The following NRXN3 variants were observed in gnomAD, a reference collection of about 807,000 sequenced individuals.
NRXN3 encodes neurexin 3.
In NRXN3, 32 loss-of-function variants were observed where a neutral mutation model predicts 137.6. The ratio of observed to expected loss-of-function variants is 0.23; its 90% CI spans 0.18 to 0.31. NRXN3 has a LOEUF of 0.31. Ranked by LOEUF, NRXN3 falls within the 10% of genes least tolerant of loss-of-function variation. The pLI is 1.00. For missense variants in NRXN3, 1,574 were observed against 2,062.5 expected (o/e 0.76, Z 4.59); for synonymous variants, 798 against 784.5 (o/e 1.02, Z -0.29).
intron 4 of NRXN3, among the ~76,000 whole-genome samples, chr14:78,540,186 T>A (rs2096575165): frequency 6.6e-6 from 1 of 152,190 alleles, no homozygotes; most frequent in Non-Finnish European, 1.5e-5. Context: ...CTTATTGATT[T>A]GTCTAATATT....
chr14:79,257,592 G>GTAA (rs1568821072), intron 15 of NRXN3, among the ~76,000 whole-genome samples: 1 of 122,856 alleles, frequency 8.1e-6, no homozygotes, highest in African/African-American at 3.5e-5. Flanking sequence ...GGTAATGATG[G>GTAA]TGGTGGTGGT....
intron 11 of NRXN3, among the ~76,000 whole-genome samples, chr14:78,961,130 G>A (rs1288647897): frequency 6.6e-6 from 1 of 151,726 alleles, no homozygotes. Context: ...GACCAGTAGA[G>A]CTAGGGAATT....
chr14:79,523,169 T>C (rs1310655144), intron 16 of NRXN3, among the ~76,000 whole-genome samples: 4 of 152,096 alleles, frequency 2.6e-5, no homozygotes, highest in Admixed American at 2.6e-4. Context: ...ATTAAGAGAT[T>C]TTTTTTTCCT....
chr14:78,668,575 T>C (rs1479162274), intron 6 of NRXN3, among the ~76,000 whole-genome samples: 2 of 152,102 alleles, frequency 1.3e-5, no homozygotes, highest in African/African-American at 2.4e-5. Context: ...GAGGCCAAGA[T>C]TGTTGGTGCA....
intron 20 of NRXN3, among the ~76,000 whole-genome samples, chr14:79,855,800 TA>T (rs1312852521): frequency 1.3e-5 from 2 of 152,136 alleles, no homozygotes; most frequent in African/African-American, 2.4e-5. Flanking sequence ...ATCTAACATA[TA>T]AAAAATACTT....
intron 15 of NRXN3, among the ~76,000 whole-genome samples, chr14:79,465,995 A>G (rs2096416849): frequency 6.6e-6 from 1 of 152,202 alleles, no homozygotes; most frequent in South Asian, 2.1e-4. Context: ...TGAATTACAA[A>G]TATTTTCTTT....
chr14:79,691,981 T>C (rs1014427201), intron 17 of NRXN3, among the ~76,000 whole-genome samples, 192 bp from the exon 18 acceptor site: 3 of 152,070 alleles, frequency 2.0e-5, no homozygotes, highest in African/African-American at 7.2e-5. Context: ...GATGGAGTAC[T>C]GCATGGCTAA....
intron 16 of NRXN3, among the ~76,000 whole-genome samples, chr14:79,622,626 T>A (rs1366180513): frequency 6.6e-6 from 1 of 152,148 alleles, no homozygotes; most frequent in Non-Finnish European, 1.5e-5. Flanking sequence ...AGACAGAGTC[T>A]CACTCTGTCA....
intron 8 of NRXN3, among the ~76,000 whole-genome samples, chr14:78,788,059 T>C (rs182176371): frequency 2.1e-4 from 32 of 152,314 alleles, no homozygotes; most frequent in Non-Finnish European, 3.1e-4. Flanking sequence ...ATGCAGTTTT[T>C]AAATATGGTT....
At chr14:79,343,643 G>A (rs1050787556) in intron 15 of NRXN3, among the ~76,000 whole-genome samples, 2 of 152,110 alleles carry the variant, frequency 1.3e-5, no homozygotes, top group African/African-American at 4.8e-5. Flanking sequence ...CAACTCTGGG[G>A]CCAACTGCTT....
At chr14:78,435,432 G>T (rs2094029519) in intron 4 of NRXN3, among the ~76,000 whole-genome samples, 1 of 152,180 alleles carries the variant, frequency 6.6e-6, no homozygotes, top group Non-Finnish European at 1.5e-5. Context: ...TGTGGCTGAG[G>T]TTATAGCATT....
At chr14:79,753,425 A>G (rs1234759388) in intron 19 of NRXN3, among the ~76,000 whole-genome samples, 3 of 151,962 alleles carry the variant, frequency 2.0e-5, no homozygotes, top group Admixed American at 6.6e-5. Context: ...TTGTAGGGAC[A>G]TGGATGAAAT....
chr14:79,750,095 T>G (rs529735842), intron 19 of NRXN3, among the ~76,000 whole-genome samples: 116 of 152,016 alleles, frequency 7.6e-4, no homozygotes, highest in Non-Finnish European at 1.3e-3. Flanking sequence ...CCCTTATAAT[T>G]GACCAGTGCC....
Position 79,863,045 on chromosome 14 carries a change from C to T in NRXN3, c.*1081C>T, listed in dbSNP as rs563243122. The T allele has an allele frequency of 2.0e-5, 3 of 152,662 alleles. No homozygotes were observed. In the South Asian group the frequency reaches 6.2e-4, roughly 32 times the overall value. The allele number at this position is 152,662 out of a possible 1,614,324, so 9.5% of individuals were successfully genotyped here. On this transcript the variant is annotated 3_prime_UTR_variant, in exon 21 of 21. Coordinates refer to ENST00000335750, the MANE Select transcript of NRXN3 (RefSeq NM_001330195.2). ...AAAAGACAATATTAAAGTCTGTTATCAAACCAGACAGTAGGGGAGTTCAAC... is the reference window on the plus strand; with the variant it reads ...AAAAGACAATATTAAAGTCTGTTATTAAACCAGACAGTAGGGGAGTTCAAC...
intron 20 of NRXN3, among the ~76,000 whole-genome samples, chr14:79,807,449 T>C (rs549406395): frequency 2.6e-4 from 40 of 152,296 alleles, no homozygotes; most frequent in African/African-American, 8.7e-4. Context: ...TCAGATTCTC[T>C]AGCTCTGTAG....
At chr14:79,579,351 T>TATATATATATATAATATATTTC (rs1567560870) in intron 16 of NRXN3, among the ~76,000 whole-genome samples, 2 of 69,252 alleles carry the variant, frequency 2.9e-5, no homozygotes, top group East Asian at 9.2e-4. Context: ...ATATATTTCA[T>TATATATATATATAATATATTTC]ATATATATAT....
At chr14:78,356,952 A>G (rs550150418) in intron 4 of NRXN3, among the ~76,000 whole-genome samples, 97 of 152,286 alleles carry the variant, frequency 6.4e-4, no homozygotes, top group African/African-American at 2.3e-3. Flanking sequence ...CCTATATGGC[A>G]GGGGAACAAC....
At chr14:78,289,048 C>G (rs1337486976) in intron 3 of NRXN3, among the ~76,000 whole-genome samples, 1 of 152,158 alleles carries the variant, frequency 6.6e-6, no homozygotes, top group Admixed American at 6.5e-5. Flanking sequence ...AACCCAGAGG[C>G]TGGAATCTGG....
At chr14:79,571,318 A>T (rs1342609813) in intron 16 of NRXN3, among the ~76,000 whole-genome samples, 1 of 152,188 alleles carries the variant, frequency 6.6e-6, no homozygotes, top group Non-Finnish European at 1.5e-5. Flanking sequence ...TCAAGATAAA[A>T]ATGCATTGAT....
Sources: allele counts gnomAD v4.1 joint callset (sites outside exome capture counted in the v4.1 genomes callset), GRCh38; gene constraint gnomAD v4.1.1; transcripts MANE v1.5; gene names NCBI Gene and HGNC (gene_info 2026-07-23, HGNC 2026-07-21).